ZNF91: variants seen among roughly 807,000 people sequenced by gnomAD.
The protein encoded by ZNF91 is zinc finger protein 91, also known as zinc finger protein 91 (HPF7, HTF10).
In ZNF91, 7 loss-of-function variants were observed where a neutral mutation model predicts 12.6. The ratio of observed to expected loss-of-function variants is 0.55; its 90% CI spans 0.31 to 1.04. The LOEUF (loss-of-function observed/expected upper bound fraction) is 1.04, where lower values mean the gene tolerates loss of function less well. Among genes scored for constraint, ZNF91 ranks in the 50% least tolerant of loss-of-function variants. ZNF91 has a pLI of 0.05. For missense variants in ZNF91, 1,217 were observed against 1,385.4 expected, an observed-to-expected ratio of 0.88 and a Z score of 1.93; for synonymous variants, 453 against 462.6, an observed-to-expected ratio of 0.98 and a Z score of 0.27.
At chr19:23,373,378 ATATAT>A (rs1969368829) in intron 3 of ZNF91, among the ~76,000 whole-genome samples, 1 of 83,582 alleles carries the variant, frequency 1.2e-5, no homozygotes, top group Non-Finnish European at 2.9e-5. Context: ...ATATATATAT[ATATAT>A]ATAAATAAAC....
chr19:23,385,236 T>G (rs1969836347), intron 1 of ZNF91: 1 of 579,868 alleles, frequency 1.7e-6, no homozygotes, highest in Non-Finnish European at 3.1e-6. Context: ...CCCTGCAGCT[T>G]GATATTGGGC....
chr19:23,316,975 C>T (rs1404738211), intron 1 of ZNF91, among the ~76,000 whole-genome samples: 2 of 152,150 alleles, frequency 1.3e-5, no homozygotes, highest in Non-Finnish European at 2.9e-5. Context: ...GGAATTGTTT[C>T]CGTCAACACA....
intron 1 of ZNF91, among the ~76,000 whole-genome samples, chr19:23,394,772 T>C (rs1222698680): frequency 6.6e-6 from 1 of 152,124 alleles, no homozygotes; most frequent in Non-Finnish European, 1.5e-5. Flanking sequence ...ACCTAGCAAA[T>C]TACTGAATTT....
At chr19:23,337,652 T>A (rs1240783631), downstream of ZNF91, among the ~76,000 whole-genome samples, 1 of 151,798 alleles carries the variant, frequency 6.6e-6, no homozygotes, top group African/African-American at 2.4e-5. Context: ...GAAAAAAAAA[T>A]TCATTGAAAT....
chr19:23,331,231 A>C (rs140417441), intron 1 of ZNF91, among the ~76,000 whole-genome samples: 12 of 152,296 alleles, frequency 7.9e-5, no homozygotes, highest in Admixed American at 7.8e-4. Flanking sequence ...CTATTGTGGT[A>C]AGACTAAGTG....
At chr19:23,371,388 A>ATG (rs1166183896) in intron 3 of ZNF91, among the ~76,000 whole-genome samples, 2 of 152,130 alleles carry the variant, frequency 1.3e-5, no homozygotes, top group African/African-American at 2.4e-5. Flanking sequence ...AAGAATATAT[A>ATG]CAAGATAAGC....
rs1275716044 is a variant in ZNF91, at chr19:23,360,315, G to A, written c.2664C>T (p.Asp888=). The change falls in exon 4 of 4, where the codon GAC becomes GAT. Residue 888 remains aspartate, a synonymous_variant. Transcript: ENST00000300619. ...GGGTTGAGGACCAGATAAATGCTTT[G>A]TCACATTCTTCACTCTTGGAAGGTT... The part of the protein sequence containing the change: ...KEKPSKSEEC[D]KAFIWSSTLT... 5.6e-6 allele frequency: 9 copies of A among 1,613,666 alleles called. No individual in the cohort carries two copies. The highest frequency in any genetic ancestry group is 7.6e-6 in the Non-Finnish European group (9 of 1,179,874).
At chr19:23,356,259 G>A (rs1235108985), downstream of ZNF91, among the ~76,000 whole-genome samples, 1 of 152,080 alleles carries the variant, frequency 6.6e-6, no homozygotes. Context: ...TAAAATCGTG[G>A]AACCAACTGA....
chr19:23,360,499 T>G lies in ZNF91; in HGVS notation c.2480A>C (p.Lys827Thr). 6.2e-7 allele frequency: 1 copy of G among 1,613,886 alleles called. No homozygotes were observed. The highest frequency in any genetic ancestry group is 8.5e-7 in the Non-Finnish European group (1 of 1,179,940). ...KTIHTGEKPY[K>T]CKECGKAFKH... ...AAAAGCTTTGCCACATTCTTTACATTTGTAGGGTTTCTCTCCAGTATGAAT... is the reference window on the plus strand; with the variant it reads ...AAAAGCTTTGCCACATTCTTTACATGTGTAGGGTTTCTCTCCAGTATGAAT... The change falls in exon 4 of 4, where the codon AAA becomes ACA. Residue 827 changes from lysine (K) to threonine (T), a missense_variant. Transcript: ENST00000300619.
intron 1 of ZNF91, chr19:23,384,664 A>G (rs1240400864): frequency 1.4e-5 from 8 of 570,928 alleles, no homozygotes; most frequent in Non-Finnish European, 2.5e-5. Context: ...CAAATCGGCA[A>G]AGAGGGCCAA....
rs139377530 is a variant in ZNF91 at position 23,343,611 on chromosome 19, C to CT, written c.254-4558dup. 1.1e-3 allele frequency among the ~76,000 whole-genome samples: 171 copies of CT among 152,348 alleles called. 1 individual carries two copies. Among genetic ancestry groups the CT allele is most frequent in the African/African-American group, 4.0e-3 (168 of 41,572 alleles). ...ATTCTGCTCATTATGTAACCTAGTTCTGTAAGCTCATACTTGGCTTTGAGC... is the reference window on the plus strand; with the variant it reads ...ATTCTGCTCATTATGTAACCTAGTTCTTGTAAGCTCATACTTGGCTTTGAGC... On this transcript the variant is annotated intron_variant, in intron 3 of 3. Coordinates refer to the ZNF91 transcript ENST00000599743.
chr19:23,364,699 A>T (rs1234005319), intron 3 of ZNF91, among the ~76,000 whole-genome samples: 1 of 152,170 alleles, frequency 6.6e-6, no homozygotes, highest in Non-Finnish European at 1.5e-5. Flanking sequence ...TTCAGAAATA[A>T]ATAGGATGTT....
chr19:23,378,956 G>A (rs1969604599), intron 1 of ZNF91, among the ~76,000 whole-genome samples: 1 of 152,110 alleles, frequency 6.6e-6, no homozygotes, highest in African/African-American at 2.4e-5. Context: ...ACTCTCACCT[G>A]GGTACCAACC....
At chr19:23,356,021 A>C (rs928939989), downstream of ZNF91, among the ~76,000 whole-genome samples, 2 of 152,184 alleles carry the variant, frequency 1.3e-5, no homozygotes, top group Non-Finnish European at 2.9e-5. Flanking sequence ...GGATGTGGCA[A>C]TCAGGGAACA....
In ZNF91 at chr19:23,360,542, G is replaced by A. The variant is rs1452657497; in HGVS notation, c.2437C>T (p.Leu813Phe). Residue 813 changes from leucine (L) to phenylalanine (F), a missense_variant, in exon 4 of 4, where the codon CTT becomes TTT. By Grantham distance (22) the Leu-to-Phe change is conservative. Coordinates refer to ENST00000300619, the MANE Select transcript of ZNF91 (RefSeq NM_003430.4). The stretch of plus-strand genomic sequence containing the variant: ...GTATGAATTGTCTTATGCTTAGTAA[G>A]GGTTGAGGAACGGCTAAAAGCTTTG... ...CGKAFSRSST[L>F]TKHKTIHTGE... The A allele has an allele frequency of 6.2e-7, 1 of 1,613,746 alleles. No individual in the cohort carries two copies. The highest frequency in any genetic ancestry group is 8.5e-7 in the Non-Finnish European group (1 of 1,179,950).
At chr19:23,363,886 G>A (rs985611113) in intron 3 of ZNF91, among the ~76,000 whole-genome samples, 28 of 151,818 alleles carry the variant, frequency 1.8e-4, no homozygotes, top group Non-Finnish European at 1.3e-4. Flanking sequence ...GATCCTAAAA[G>A]TAAGAAAAAA....
At position 23,395,263 on chromosome 19, in the gene ZNF91, C is replaced by A. The variant is rs1205743610; in HGVS notation, c.30+62G>T. On this transcript the variant is annotated intron_variant, in intron 1 of 3. Coordinates refer to ENST00000300619, the MANE Select transcript of ZNF91 (RefSeq NM_003430.4). ...GAAGGCCTGAGGCTCGCCACAGCCG[C>A]ATCCCACCGGTTTCAACGAGCCCCG... 1.9e-6 allele frequency: 3 copies of A among 1,593,792 alleles called. No individual in the cohort carries two copies. The African/African-American group carries it at 4.0e-5, about 21-fold the overall frequency.
intron 1 of ZNF91, among the ~76,000 whole-genome samples, chr19:23,378,209 C>T (rs1418032161): frequency 6.6e-6 from 1 of 152,050 alleles, no homozygotes; most frequent in Non-Finnish European, 1.5e-5. Context: ...CATTTATCTG[C>T]TATTGGGTTT....
chr19:23,358,662 T>G lies in ZNF91; in HGVS notation c.*741A>C, dbSNP rs1599717027. ...AAATGCTTTCCTATGCATTAAGGTG[T>G]GAGCATTAGTTCAAAGCTTGGCCAC... On this transcript the variant is annotated 3_prime_UTR_variant, in exon 4 of 4. Coordinates refer to ENST00000300619, the MANE Select transcript of ZNF91 (RefSeq NM_003430.4). The G allele has an allele frequency of 6.5e-6, 1 of 154,132 alleles. No homozygotes were observed. The highest frequency in any genetic ancestry group is 2.4e-5 in the African/African-American group (1 of 41,464). The allele number at this position is 154,132 out of a possible 1,614,324, so 9.5% of individuals were successfully genotyped here. A position where few individuals can be genotyped will look rare whatever the true frequency, so the allele number is the denominator to read the frequency against.
Sources: allele counts gnomAD v4.1 joint callset (sites outside exome capture counted in the v4.1 genomes callset), GRCh38; gene constraint gnomAD v4.1.1; transcripts MANE v1.5; gene names NCBI Gene and HGNC (gene_info 2026-07-23, HGNC 2026-07-21).